Variants in ARID1B observed in about 807,000 individuals in gnomAD.
The protein encoded by ARID1B is AT-rich interaction domain 1B.
Under a neutral mutation model 212.3 loss-of-function variants are expected in ARID1B, and 30 were observed. That is an observed-to-expected ratio of 0.14 (90% CI 0.11 to 0.19). The LOEUF is 0.19. ARID1B is among the 10% of genes least tolerant of loss of function. ARID1B has a pLI of 1.00. For synonymous variants in ARID1B, 1,402 were observed against 1,301.7 expected, an observed-to-expected ratio of 1.08 and a Z score of -1.66; for missense variants, 2,891 against 3,204.0, an observed-to-expected ratio of 0.90 and a Z score of 2.36.
chr6:156,800,322 G>T (rs1435115260), intron 1 of ARID1B, among the ~76,000 whole-genome samples: 1 of 152,156 alleles, frequency 6.6e-6, no homozygotes, highest in African/African-American at 2.4e-5. Flanking sequence ...GGGTGTGGTG[G>T]GTCACCCCTG....
At chr6:157,124,831 C>T (rs1323220419) in intron 6 of ARID1B, among the ~76,000 whole-genome samples, 1 of 151,974 alleles carries the variant, frequency 6.6e-6, no homozygotes, top group African/African-American at 2.4e-5. Flanking sequence ...CTCTGTGAGC[C>T]TCACTGTCTT....
At chr6:156,972,847 T>A (rs1336815733) in intron 4 of ARID1B, among the ~76,000 whole-genome samples, 13 of 152,226 alleles carry the variant, frequency 8.5e-5, no homozygotes, top group Non-Finnish European at 1.6e-4. Flanking sequence ...GCTTAAAATT[T>A]TCCAGTAAAA....
chr6:157,196,096 A>G (rs918103753), intron 15 of ARID1B, 69 bp from the exon 16 acceptor site: 11 of 1,566,870 alleles, frequency 7.0e-6, no homozygotes, highest in Admixed American at 1.9e-5. Context: ...AGAGATGACT[A>G]GAAGGGATGG....
At chr6:156,948,431 G>C (rs1793328548) in intron 4 of ARID1B, among the ~76,000 whole-genome samples, 1 of 152,080 alleles carries the variant, frequency 6.6e-6, no homozygotes, top group Admixed American at 6.5e-5. Context: ...GGGGTGGAGG[G>C]TGTCTCACTC....
intron 7 of ARID1B, among the ~76,000 whole-genome samples, chr6:157,144,216 T>C (rs1348116401): frequency 1.3e-5 from 2 of 152,164 alleles, no homozygotes; most frequent in Non-Finnish European, 2.9e-5. Context: ...ACCCAGGAGG[T>C]TGGAGTGCCA....
chr6:156,928,501 C>T (rs550077708), intron 3 of ARID1B, among the ~76,000 whole-genome samples: 2 of 152,040 alleles, frequency 1.3e-5, no homozygotes, highest in Non-Finnish European at 2.9e-5. Flanking sequence ...TTTCTTGACC[C>T]GATGAGTGCA....
At chr6:157,039,248 T>G (rs373901087) in intron 4 of ARID1B, among the ~76,000 whole-genome samples, 1 of 151,930 alleles carries the variant, frequency 6.6e-6, no homozygotes, top group East Asian at 1.9e-4. Flanking sequence ...TTCACAGTAA[T>G]AGATGCTTTT....
At chr6:156,897,451 T>G (rs1788572853) in intron 2 of ARID1B, among the ~76,000 whole-genome samples, 1 of 151,528 alleles carries the variant, frequency 6.6e-6, no homozygotes, top group Non-Finnish European at 1.5e-5. Flanking sequence ...TTTTTGTATT[T>G]TTAGTAGAGA....
chr6:156,905,670 C>T (rs17054619), intron 3 of ARID1B, among the ~76,000 whole-genome samples: 22,204 of 152,100 alleles, frequency 0.15, 2,856 homozygotes, highest in African/African-American at 0.35. Context: ...TCTCCATTGG[C>T]TCTTCTATGA....
chr6:156,902,882 A>C (rs1789065199), intron 3 of ARID1B, among the ~76,000 whole-genome samples: 1 of 152,034 alleles, frequency 6.6e-6, no homozygotes, highest in South Asian at 2.1e-4. Flanking sequence ...TTTTTAGATG[A>C]GCAAGGCTGG....
At position 157,184,399 on chromosome 6, in the gene ARID1B, A is replaced by G. The variant is rs1792809902; in HGVS notation, c.3883A>G (p.Thr1295Ala). ...PPPEVFSTGD[T>A]KKQPKLQPPS... ...GCCGGAAGTCTTCAGCACCGGGGAC[A>G]CCAAAAAGCAGCCCAAGCTCCAGCC... is the stretch of plus-strand genomic sequence containing the variant. Residue 1295 changes from threonine (T) to alanine (A), a missense_variant, in exon 13 of 20, where the codon ACC becomes GCC. Coordinates refer to ENST00000636930, the MANE Select transcript of ARID1B (RefSeq NM_001374828.1). 6.2e-7 allele frequency: 1 copy of G among 1,613,964 alleles called. No individual in the cohort carries two copies. Among genetic ancestry groups the G allele is most frequent in the Admixed American group, 1.7e-5 (1 of 59,990 alleles).
intron 19 of ARID1B, chr6:157,204,897 CTTCT>C (rs1412822294): frequency 6.6e-6 from 1 of 152,208 alleles, no homozygotes; most frequent in Non-Finnish European, 1.5e-5. Context: ...GAATCTTCTA[CTTCT>C]TTCTTCTCTC....
chr6:157,169,232 T>A (rs2128295159), intron 9 of ARID1B: 1 of 152,332 alleles, frequency 6.6e-6, no homozygotes, highest in South Asian at 2.1e-4. Context: ...AATATACTTT[T>A]GGAGAAAGCG....
At chr6:156,987,880 A>G (rs1778028682) in intron 4 of ARID1B, among the ~76,000 whole-genome samples, 1 of 152,194 alleles carries the variant, frequency 6.6e-6, no homozygotes, top group Admixed American at 6.5e-5. Flanking sequence ...GTTGAATAGT[A>G]CCTTTCTGTA....
intron 5 of ARID1B, chr6:157,107,855 T>C (rs551482431): frequency 6.6e-6 from 1 of 152,234 alleles, no homozygotes; most frequent in Non-Finnish European, 1.5e-5. Flanking sequence ...ACATGTCATA[T>C]AAAAATCTGT....
chr6:157,049,854 C>G (rs2128552688), intron 4 of ARID1B, among the ~76,000 whole-genome samples: 1 of 152,140 alleles, frequency 6.6e-6, no homozygotes, highest in Non-Finnish European at 1.5e-5. Context: ...CATTGTATTC[C>G]TATTTTTGTC....
At chr6:156,820,222 G>C (rs578226869) in intron 1 of ARID1B, among the ~76,000 whole-genome samples, 3 of 152,140 alleles carry the variant, frequency 2.0e-5, no homozygotes, top group Non-Finnish European at 4.4e-5. Flanking sequence ...TGTGCAAAGT[G>C]AAGCTTTGTC....
At chr6:157,067,267 G>A (rs1450940393) in intron 4 of ARID1B, among the ~76,000 whole-genome samples, 2 of 152,240 alleles carry the variant, frequency 1.3e-5, no homozygotes, top group Non-Finnish European at 2.9e-5. Flanking sequence ...CCAAGTTCGA[G>A]TCACAAAGCC....
intron 4 of ARID1B, among the ~76,000 whole-genome samples, chr6:157,031,788 A>T (rs1367393931): frequency 6.6e-6 from 1 of 152,188 alleles, no homozygotes; most frequent in Non-Finnish European, 1.5e-5. Flanking sequence ...AAAAGAAAAC[A>T]AATGAAATTT....
Sources: allele counts gnomAD v4.1 joint callset (sites outside exome capture counted in the v4.1 genomes callset), GRCh38; gene constraint gnomAD v4.1.1; transcripts MANE v1.5; gene names NCBI Gene and HGNC (gene_info 2026-07-23, HGNC 2026-07-21).